The following NRXN3 variants were observed in gnomAD, a reference collection of about 807,000 sequenced individuals.
NRXN3 encodes the protein neurexin 3, also known as neurexin III.
NRXN3 carries 32 observed loss-of-function variants against 137.6 expected under a neutral mutation model. The observed-to-expected ratio is 0.23, with a 90% confidence interval of 0.18 to 0.31. The LOEUF (loss-of-function observed/expected upper bound fraction) is 0.31, where lower values mean the gene tolerates loss of function less well. Among genes scored for constraint, NRXN3 ranks in the 10% least tolerant of loss-of-function variants. The pLI is 1.00. For missense variants in NRXN3, 1,574 were observed against 2,062.5 expected (o/e 0.76, Z 4.59); for synonymous variants, 798 against 784.5 (o/e 1.02, Z -0.29).
In NRXN3 at chr14:78,913,942, G is replaced by T. The variant is rs78556173; in HGVS notation, c.2276-43300G>T. Reference sequence around the variant, plus strand: ...CAGCTATTTATGTATTGGCTCCCTGGCAGCCCTAAAGACTCTGCCTGGACT... The same window carrying T: ...CAGCTATTTATGTATTGGCTCCCTGTCAGCCCTAAAGACTCTGCCTGGACT... On this transcript the variant is annotated intron_variant, in intron 10 of 20. Coordinates refer to ENST00000335750, the MANE Select transcript of NRXN3 (RefSeq NM_001330195.2). Among the ~76,000 whole-genome samples, 12 of 152,182 alleles carry T rather than the reference G, an allele frequency of 7.9e-5. No individual in the cohort carries two copies. The East Asian group carries it at 2.3e-3, about 29-fold the overall frequency.
chr14:79,372,082 C>G (rs530808207), intron 15 of NRXN3, among the ~76,000 whole-genome samples: 2 of 152,034 alleles, frequency 1.3e-5, no homozygotes, highest in East Asian at 3.9e-4. Flanking sequence ...TATATCCACA[C>G]ATGTACATTT....
At chr14:78,407,968 G>A (rs1171349815) in intron 4 of NRXN3, among the ~76,000 whole-genome samples, 1 of 152,170 alleles carries the variant, frequency 6.6e-6, no homozygotes, top group Non-Finnish European at 1.5e-5. Context: ...CAAGTGAAAT[G>A]ACGTGAAACA....
chr14:78,806,219 T>C (rs1180572406), intron 9 of NRXN3, among the ~76,000 whole-genome samples: 1 of 152,158 alleles, frequency 6.6e-6, no homozygotes, highest in Non-Finnish European at 1.5e-5. Context: ...TCATAATTAC[T>C]GGTTTGAATT....
intron 4 of NRXN3, among the ~76,000 whole-genome samples, chr14:78,298,158 T>C (rs1182069970): frequency 1.3e-5 from 2 of 152,170 alleles, no homozygotes; most frequent in Non-Finnish European, 2.9e-5. Flanking sequence ...GGCATGACGG[T>C]GTCGATAATG....
At chr14:79,416,446 A>G (rs964308024) in intron 15 of NRXN3, among the ~76,000 whole-genome samples, 2 of 152,176 alleles carry the variant, frequency 1.3e-5, no homozygotes, top group African/African-American at 4.8e-5. Flanking sequence ...ATGACCAGAA[A>G]GTTATTGAAA....
chr14:79,083,790 TA>T (rs1179432211), intron 15 of NRXN3, among the ~76,000 whole-genome samples: 1 of 152,262 alleles, frequency 6.6e-6, no homozygotes, highest in East Asian at 1.9e-4. Context: ...GGGTTTTACA[TA>T]AAACAGTTTT....
intron 15 of NRXN3, among the ~76,000 whole-genome samples, chr14:78,994,495 A>C (rs1379326390): frequency 1.3e-5 from 2 of 152,210 alleles, no homozygotes; most frequent in East Asian, 3.9e-4. Context: ...TGAGTCCTAA[A>C]TGTAGGCCTC....
intron 4 of NRXN3, among the ~76,000 whole-genome samples, chr14:78,468,994 G>A (rs550982842): frequency 3.5e-4 from 53 of 152,210 alleles, no homozygotes; most frequent in Middle Eastern, 3.4e-3. Context: ...GGGGCCTGGG[G>A]CATGGGAGAG....
chr14:78,511,859 G>A (rs539652383), intron 4 of NRXN3, among the ~76,000 whole-genome samples: 3 of 152,024 alleles, frequency 2.0e-5, no homozygotes, highest in Admixed American at 1.3e-4. Flanking sequence ...AAATTGAAGC[G>A]CTTCTTCTTC....
intron 1 of NRXN3, among the ~76,000 whole-genome samples, chr14:78,198,078 G>A (rs979304562): frequency 3.3e-5 from 5 of 152,158 alleles, no homozygotes; most frequent in Admixed American, 6.5e-5. Context: ...CTCATCCTGC[G>A]GCCACTGCCC....
At chr14:79,293,348 C>G (rs772304141) in intron 15 of NRXN3, among the ~76,000 whole-genome samples, 1 of 152,180 alleles carries the variant, frequency 6.6e-6, no homozygotes, top group African/African-American at 2.4e-5. Flanking sequence ...TCAAAATCTG[C>G]TTTGCATTTG....
At chr14:79,635,453 C>T (rs778875392) in intron 16 of NRXN3, among the ~76,000 whole-genome samples, 3 of 152,184 alleles carry the variant, frequency 2.0e-5, no homozygotes, top group Non-Finnish European at 2.9e-5. Flanking sequence ...TACTAGTTTT[C>T]TAGGGCTGTT....
intron 4 of NRXN3, among the ~76,000 whole-genome samples, chr14:78,616,030 A>G (rs1405802823): frequency 1.3e-5 from 2 of 152,226 alleles, no homozygotes; most frequent in Non-Finnish European, 2.9e-5. Flanking sequence ...TCACTATCCA[A>G]GTCCGTGCCG....
At chr14:79,754,602 A>C (rs1391563889) in intron 19 of NRXN3, among the ~76,000 whole-genome samples, 2 of 147,322 alleles carry the variant, frequency 1.4e-5, no homozygotes, top group Non-Finnish European at 3.0e-5. Context: ...ATATATACAC[A>C]CACATACACA....
At chr14:78,644,275 A>G (rs2097665012) in intron 4 of NRXN3, among the ~76,000 whole-genome samples, 1 of 152,084 alleles carries the variant, frequency 6.6e-6, no homozygotes, top group Admixed American at 6.6e-5. Flanking sequence ...TCTATGAAAT[A>G]TTGTCTTGAA....
intron 15 of NRXN3, among the ~76,000 whole-genome samples, chr14:79,297,008 C>G (rs946427603): frequency 6.6e-6 from 1 of 152,196 alleles, no homozygotes; most frequent in African/African-American, 2.4e-5. Context: ...TTCATATTCA[C>G]CACTACAGAC....
intron 4 of NRXN3, among the ~76,000 whole-genome samples, chr14:78,459,498 GGGTCATCCCACA>G (rs1326376674): frequency 1.3e-5 from 2 of 152,112 alleles, no homozygotes; most frequent in African/African-American, 4.8e-5. Flanking sequence ...GTTTCTGACT[GGGTCATCCCACA>G]GGATTCTGCC....
At chr14:79,065,796 C>T (rs1204056824) in intron 15 of NRXN3, among the ~76,000 whole-genome samples, 2 of 152,026 alleles carry the variant, frequency 1.3e-5, no homozygotes, top group Non-Finnish European at 2.9e-5. Context: ...ATTTACCTTC[C>T]TTTATTTTTA....
In NRXN3 at chr14:79,234,704, G is replaced by A. The variant is rs117823964; in HGVS notation, c.3263-232517G>A. On this transcript the variant is annotated intron_variant, in intron 15 of 20. Transcript: ENST00000335750. ...TTTAATACTGCTCCCTCTCTCTTAG[G>A]TATTCACAGTGCATATTAGCAAATT... Among the ~76,000 whole-genome samples the A allele has an allele frequency of 3.7e-4, 56 of 151,824 alleles. No individual in the cohort carries two copies. The East Asian group carries it at 0.01, about 28-fold the overall frequency.
Sources: gnomAD v4.1 joint callset for allele counts (sites outside exome capture counted in the v4.1 genomes callset) on GRCh38, gnomAD v4.1.1 for gene constraint, MANE v1.5 for transcripts, NCBI Gene and HGNC (gene_info 2026-07-23, HGNC 2026-07-21) for gene names.